The following DENND2B variants were observed in gnomAD, a reference collection of about 807,000 sequenced individuals.
DENND2B encodes DENN domain-containing protein 2B.
In DENND2B, 32 loss-of-function variants were observed where a neutral mutation model predicts 116.0. That is an observed-to-expected ratio of 0.28 (90% CI 0.21 to 0.37). The LOEUF is 0.37. Among genes scored for constraint, DENND2B ranks in the 10% least tolerant of loss-of-function variants. The pLI is 1.00. For missense variants in DENND2B, 1,276 were observed against 1,477.7 expected (o/e 0.86, Z 2.24); for synonymous variants, 588 against 583.9 (o/e 1.01, Z -0.10).
intron 1 of DENND2B, chr11:8,786,993 C>T (rs1406795515): frequency 6.6e-6 from 1 of 152,116 alleles, no homozygotes; most frequent in Non-Finnish European, 1.5e-5. Context: ...TATGTTAATT[C>T]ATTTAATACT....
intron 1 of DENND2B, among the ~76,000 whole-genome samples, chr11:8,897,056 T>C (rs191253535): frequency 4.1e-4 from 63 of 152,236 alleles, no homozygotes; most frequent in South Asian, 3.7e-3. Context: ...CTGGCCAACA[T>C]GGCGAAGCCC....
chr11:8,898,556 T>C (rs767623108), intron 1 of DENND2B, among the ~76,000 whole-genome samples: 3 of 152,180 alleles, frequency 2.0e-5, no homozygotes, highest in Non-Finnish European at 2.9e-5. Flanking sequence ...AATCAGAATC[T>C]GGAGTTGCCA....
At chr11:8,763,865 T>C (rs2055120647) in intron 1 of DENND2B, among the ~76,000 whole-genome samples, 2 of 152,030 alleles carry the variant, frequency 1.3e-5, no homozygotes, top group African/African-American at 2.4e-5. Flanking sequence ...AAGTTTAATA[T>C]AGCAAGCAGG....
chr11:8,726,386 C>A (rs1197636800), intron 3 of DENND2B, 177 bp from the exon 4 acceptor site: 7 of 775,426 alleles, frequency 9.0e-6, no homozygotes, highest in Non-Finnish European at 1.2e-5. Flanking sequence ...GTCTGAAAGG[C>A]CCCAGCCTGG....
intron 1 of DENND2B, among the ~76,000 whole-genome samples, chr11:8,901,449 C>G (rs7118463): frequency 1.3e-5 from 2 of 150,710 alleles, no homozygotes; most frequent in East Asian, 2.0e-4. Context: ...AGGCTGGTCT[C>G]GAACTCCTGA....
At chr11:8,705,987 G>A (rs2042529357) in intron 13 of DENND2B, among the ~76,000 whole-genome samples, 1 of 152,226 alleles carries the variant, frequency 6.6e-6, no homozygotes, top group African/African-American at 2.4e-5. Context: ...GCTCACGCCT[G>A]TAGTCCCTAC....
chr11:8,755,878 C>T (rs926307881), intron 1 of DENND2B, among the ~76,000 whole-genome samples: 19 of 152,190 alleles, frequency 1.2e-4, no homozygotes, highest in African/African-American at 3.6e-4. Context: ...AGGGCATCTA[C>T]GCACACTGGC....
chr11:8,786,148 G>A (rs537492007), intron 1 of DENND2B, among the ~76,000 whole-genome samples: 27 of 152,222 alleles, frequency 1.8e-4, no homozygotes, highest in African/African-American at 6.5e-4. Context: ...TCACCTGAAA[G>A]CTACACAGAT....
chr11:8,896,908 A>G (rs1308034803), intron 1 of DENND2B, among the ~76,000 whole-genome samples: 3 of 152,192 alleles, frequency 2.0e-5, no homozygotes, highest in Non-Finnish European at 4.4e-5. Flanking sequence ...GTCAAAGAAC[A>G]TCTGTACAAA....
chr11:8,818,256 C>G (rs1419725014), intron 4 of DENND2B, among the ~76,000 whole-genome samples: 1 of 141,502 alleles, frequency 7.1e-6, no homozygotes, highest in East Asian at 2.3e-4. Flanking sequence ...CAGTGAGACT[C>G]TGTCTCTAAT....
chr11:8,869,384 T>C (rs908906292), intron 2 of DENND2B, among the ~76,000 whole-genome samples: 1 of 152,170 alleles, frequency 6.6e-6, no homozygotes, highest in Admixed American at 6.5e-5. Context: ...CCAGATAGCC[T>C]GGGCCCAGTG....
intron 3 of DENND2B, among the ~76,000 whole-genome samples, chr11:8,851,268 A>T (rs982054131): frequency 5.3e-5 from 8 of 152,054 alleles, no homozygotes; most frequent in Admixed American, 5.2e-4. Context: ...TATATATATA[A>T]ATCAAAACAG....
In DENND2B at chr11:8,698,166, A is replaced by AAAAG. The variant is rs1555092981; in HGVS notation, c.2941-531_2941-530insCTTT. The stretch of plus-strand genomic sequence containing the variant: ...AAAAAAAAAAAAAAAAAAAAAAAAA[A>AAAAG]GGGGGTAGAGCCAGTGTGGCATTCA... On this transcript the variant is annotated intron_variant, in intron 16 of 19. Coordinates refer to ENST00000313726, the MANE Select transcript of DENND2B (RefSeq NM_213618.2). 3.5e-3 allele frequency among the ~76,000 whole-genome samples: 456 copies of AAAAG among 129,360 alleles called. 10 individuals carry two copies. Among genetic ancestry groups the AAAAG allele is most frequent in the Middle Eastern group, 4.2e-3 (1 of 238 alleles). The allele number at this position is 129,360 out of a possible 152,430, so 84.9% of individuals were successfully genotyped here.
At chr11:8,908,464 T>C (rs1293518996) in intron 1 of DENND2B, among the ~76,000 whole-genome samples, 19 of 152,214 alleles carry the variant, frequency 1.2e-4, no homozygotes. Context: ...ATGTACCAAG[T>C]ACTATAAATG....
intron 1 of DENND2B, among the ~76,000 whole-genome samples, chr11:8,891,796 A>G (rs2064036312): frequency 6.6e-6 from 1 of 152,190 alleles, no homozygotes; most frequent in South Asian, 2.1e-4. Flanking sequence ...ATAATGGGAG[A>G]CTTTAACACC....
chr11:8,800,732 C>T (rs1459511473), intron 1 of DENND2B, among the ~76,000 whole-genome samples: 1 of 152,140 alleles, frequency 6.6e-6, no homozygotes, highest in Non-Finnish European at 1.5e-5. Flanking sequence ...TGGTAGCACT[C>T]AAAGAAGATT....
chr11:8,896,963 C>G (rs1218779138), intron 1 of DENND2B, among the ~76,000 whole-genome samples: 1 of 152,176 alleles, frequency 6.6e-6, no homozygotes, highest in Non-Finnish European at 1.5e-5. Flanking sequence ...TGAGACTGGG[C>G]TCGGTGGCTC....
chr11:8,819,740 C>T (rs2061695005), intron 4 of DENND2B, among the ~76,000 whole-genome samples: 1 of 152,170 alleles, frequency 6.6e-6, no homozygotes, highest in Admixed American at 6.5e-5. Flanking sequence ...TCATGAAAGA[C>T]AAGGACAGAC....
chr11:8,696,328 G>GCCCTAGCTGATGTCCAAGAGC, intron 18 of DENND2B, 99 bp downstream of exon 18: 2 of 1,525,900 alleles, frequency 1.3e-6, no homozygotes, highest in Non-Finnish European at 1.8e-6. Context: ...AAGAGGCCTG[G>GCCCTAGCTGATGTCCAAGAGC]CCCTAGCTGA....
Sources: gnomAD v4.1 joint callset for allele counts (sites outside exome capture counted in the v4.1 genomes callset) on GRCh38, gnomAD v4.1.1 for gene constraint, MANE v1.5 for transcripts, NCBI Gene and HGNC (gene_info 2026-07-23, HGNC 2026-07-21) for gene names.